Variants in C7 observed in about 807,000 individuals in gnomAD.
C7 encodes complement component C7.
In C7, 83 loss-of-function variants were observed where a neutral mutation model predicts 104.8. That is an observed-to-expected ratio of 0.79 (90% CI 0.66 to 0.95). The LOEUF (loss-of-function observed/expected upper bound fraction) is 0.95. Ranked by LOEUF, C7 falls within the 40% of genes least tolerant of loss-of-function variation. The pLI, the probability that C7 is intolerant of heterozygous loss-of-function variation, is 0.00. For missense variants in C7, 1,070 were observed against 1,011.2 expected, an observed-to-expected ratio of 1.06 and a Z score of -0.79; for synonymous variants, 415 against 360.6, an observed-to-expected ratio of 1.15 and a Z score of -1.71.
At chr5:40,914,863 G>A (rs1739287257) in intron 1 of C7, among the ~76,000 whole-genome samples, 1 of 152,130 alleles carries the variant, frequency 6.6e-6, no homozygotes, top group African/African-American at 2.4e-5. Context: ...AATAAACCCA[G>A]CAGTATCAGT....
chr5:40,970,220 GT>G (rs1407977024), intron 14 of C7, among the ~76,000 whole-genome samples: 1 of 152,096 alleles, frequency 6.6e-6, no homozygotes, highest in Non-Finnish European at 1.5e-5. Context: ...ATCAAATGCT[GT>G]TTTTGAATGA....
At chr5:40,914,127 C>T (rs1263665040) in intron 1 of C7, among the ~76,000 whole-genome samples, 1 of 152,140 alleles carries the variant, frequency 6.6e-6, no homozygotes, top group East Asian at 1.9e-4. Context: ...TCACATTCAG[C>T]CAGTTTTTTT....
chr5:40,919,104 A>C (rs979459760), intron 1 of C7, among the ~76,000 whole-genome samples: 2 of 151,206 alleles, frequency 1.3e-5, no homozygotes, highest in Non-Finnish European at 2.9e-5. Context: ...AAATTTAAGA[A>C]GATTGAAATT....
chr5:40,936,921 C>T (rs1048616539), intron 5 of C7, among the ~76,000 whole-genome samples: 4 of 152,230 alleles, frequency 2.6e-5, no homozygotes, highest in African/African-American at 9.6e-5. Context: ...CCAGGCTGAA[C>T]AGCAATTGTC....
intron 1 of C7, among the ~76,000 whole-genome samples, chr5:40,924,956 C>T (rs544013880): frequency 3.3e-5 from 5 of 152,290 alleles, no homozygotes; most frequent in East Asian, 3.9e-4. Flanking sequence ...AAAGTGCCTT[C>T]GGGGCCTCTT....
At chr5:40,973,816 T>C (rs76084524) in intron 15 of C7, among the ~76,000 whole-genome samples, 2,507 of 152,372 alleles carry the variant, frequency 0.016, 59 homozygotes, top group African/African-American at 0.058. Flanking sequence ...CTGTCTAAAA[T>C]GCTACTTCAG....
At chr5:40,940,733 A>G (rs983607980) in intron 6 of C7, among the ~76,000 whole-genome samples, 1 of 152,178 alleles carries the variant, frequency 6.6e-6, no homozygotes, top group Admixed American at 6.5e-5. Flanking sequence ...CACTGTTCCA[A>G]GAGCTTTACA....
rs1740338057 is a variant in C7, at chr5:40,958,120, G to A, written c.1348G>A (p.Asp450Asn). 3.7e-6 allele frequency: 6 copies of A among 1,613,702 alleles called. No homozygotes were observed. The highest frequency in any genetic ancestry group is 5.1e-6 in the Non-Finnish European group (6 of 1,179,794). ...GAAATGGGCTCTTGAAGAGTATCTG[G>A]ATGAATTTGACCCCTGTCATTGCCG... ...YLKWALEEYL[D>N]EFDPCHCRPC... is the part of the protein sequence containing the mutation. Residue 450 changes from aspartate to asparagine, a missense_variant, in exon 11 of 18, where the codon GAT (aspartate) becomes AAT (asparagine). Physicochemically the swap from Asp to Asn is conservative, Grantham distance 23. Transcript: ENST00000313164.
At chr5:40,974,199 T>C (rs1201729991) in intron 15 of C7, among the ~76,000 whole-genome samples, 2 of 152,176 alleles carry the variant, frequency 1.3e-5, no homozygotes, top group Non-Finnish European at 2.9e-5. Context: ...CCATTAAACA[T>C]TAATTCCTCA....
intron 1 of C7, among the ~76,000 whole-genome samples, chr5:40,922,800 C>T (rs943183174): frequency 6.6e-6 from 1 of 151,782 alleles, no homozygotes; most frequent in Non-Finnish European, 1.5e-5. Context: ...AACTAGATTC[C>T]TATCTTCTGC....
chr5:40,934,703 G>A (rs1319148990), intron 4 of C7, among the ~76,000 whole-genome samples: 1 of 152,100 alleles, frequency 6.6e-6, no homozygotes, highest in Non-Finnish European at 1.5e-5. Context: ...TCTTTGAATG[G>A]AACTCTAGTT....
chr5:40,975,009 A>G (rs1262109896), intron 15 of C7, among the ~76,000 whole-genome samples: 1 of 152,194 alleles, frequency 6.6e-6, no homozygotes, highest in Non-Finnish European at 1.5e-5. Context: ...TGTAAAAACC[A>G]AAGATGTCCC....
intron 1 of C7, among the ~76,000 whole-genome samples, chr5:40,912,848 A>G (rs1195498852): frequency 1.3e-5 from 2 of 152,176 alleles, no homozygotes; most frequent in Non-Finnish European, 2.9e-5. Context: ...CAATTTTGTT[A>G]CATGGATATA....
At chr5:40,953,227 G>A (rs1413681738) in intron 9 of C7, among the ~76,000 whole-genome samples, 1 of 152,182 alleles carries the variant, frequency 6.6e-6, no homozygotes, top group East Asian at 1.9e-4. Flanking sequence ...GTTCTCATAT[G>A]TGAGGGTTAA....
rs1437775668 is a variant in C7, at chr5:40,919,231, C to CCCAG, written c.7-9349_7-9348insCCAG. On this transcript the variant is annotated intron_variant, in intron 1 of 17. Coordinates refer to ENST00000313164, the MANE Select transcript of C7 (RefSeq NM_000587.4). ...CTCCACCTCCCAGGCTCAAGTGATTCTCCCACCTCATCCCTTCCGAGCAGC... is the reference window on the plus strand; with the variant it reads ...CTCCACCTCCCAGGCTCAAGTGATTCCCAGTCCCACCTCATCCCTTCCGAGCAGC... 2.4e-3 allele frequency among the ~76,000 whole-genome samples: 364 copies of CCCAG among 151,496 alleles called. 2 individuals are homozygous for CCCAG. The highest frequency in any genetic ancestry group is 8.4e-3 in the African/African-American group (348 of 41,284).
At position 40,952,793 on chromosome 5, in the gene C7, A is replaced by G. The variant is rs889615369; in HGVS notation, c.1094-2594A>G. On this transcript the variant is annotated intron_variant, in intron 9 of 17. Coordinates refer to ENST00000313164, the MANE Select transcript of C7 (RefSeq NM_000587.4). ...TGGATTAAGAAAATGTGGCACATAT[A>G]CACCATGAAATACTATGCAGCCATA... Among the ~76,000 whole-genome samples, 9 of 152,212 alleles carry G rather than the reference A, an allele frequency of 5.9e-5. No homozygotes were observed. In the South Asian group the frequency reaches 1.7e-3, roughly 28 times the overall value.
At chr5:40,928,873 A>G (rs948545216) in intron 2 of C7, among the ~76,000 whole-genome samples, 1 of 152,218 alleles carries the variant, frequency 6.6e-6, no homozygotes, top group East Asian at 1.9e-4. Flanking sequence ...GACTAAAAGT[A>G]TAAGTTTTTT....
In C7 at chr5:40,947,588, T is replaced by C. The variant is rs202162740; in HGVS notation, c.739-14T>C. 9.2e-4 allele frequency: 1,481 copies of C among 1,612,638 alleles called. 14 individuals are homozygous for C. In the African/African-American group the frequency reaches 0.017, roughly 19 times the overall value. On this transcript the variant is annotated splice_polypyrimidine_tract_variant and intron_variant, in intron 7 of 17. Coordinates refer to ENST00000313164, the MANE Select transcript of C7 (RefSeq NM_000587.4). ...TCCACCTAAAACTCCTTGTACTCTTTCTTCTTTCCACAGAGTTACCAACTG... is the reference window on the plus strand; with the variant it reads ...TCCACCTAAAACTCCTTGTACTCTTCCTTCTTTCCACAGAGTTACCAACTG...
At chr5:40,930,643 G>A (rs2111578422) in intron 2 of C7, among the ~76,000 whole-genome samples, 1 of 152,046 alleles carries the variant, frequency 6.6e-6, no homozygotes, top group East Asian at 1.9e-4. Flanking sequence ...AGTAACTGCA[G>A]CCTCCATCTC....
Sources: allele counts gnomAD v4.1 joint callset (sites outside exome capture counted in the v4.1 genomes callset), GRCh38; gene constraint gnomAD v4.1.1; transcripts MANE v1.5; gene names NCBI Gene and HGNC (gene_info 2026-07-23, HGNC 2026-07-21).